The following TMPRSS9 variants were observed in gnomAD, a reference collection of about 807,000 sequenced individuals.
The protein encoded by TMPRSS9 is transmembrane serine protease 9, also known as transmembrane protease serine 9.
A neutral mutation model predicts 111.4 loss-of-function variants in TMPRSS9; 113 were observed. The ratio of observed to expected loss-of-function variants is 1.01; its 90% CI spans 0.87 to 1.19. The LOEUF (loss-of-function observed/expected upper bound fraction) is 1.19, where lower values mean the gene tolerates loss of function less well. TMPRSS9 is among the 50% of genes most tolerant of loss of function. TMPRSS9 has a pLI of 0.00. For missense variants in TMPRSS9, 1,803 were observed against 1,513.1 expected, an observed-to-expected ratio of 1.19 and a Z score of -3.18; for synonymous variants, 805 against 659.1, an observed-to-expected ratio of 1.22 and a Z score of -3.39.
rs758897814 is a variant in TMPRSS9 at position 2,426,064 on chromosome 19, G to A, written c.3258G>A (p.Trp1086Ter). ...CCCGGGTGGCAGCTGTGAGAGGCTG[G>A]ATAGGACAGCACATCCAGGAGTGAC... The change falls in exon 18 of 18, where the codon TGG becomes TGA. Residue 1086 changes from tryptophan (W) to a stop codon, truncating the protein, a stop_gained. Coordinates refer to ENST00000648592, the Ensembl canonical transcript of TMPRSS9. LOFTEE classifies it high-confidence loss of function. 1 of 1,609,434 alleles carries A rather than the reference G, an allele frequency of 6.2e-7. No homozygotes were observed.
At chr19:2,420,729 C>T (rs1020100177) in intron 13 of TMPRSS9, among the ~76,000 whole-genome samples, 6 of 152,196 alleles carry the variant, frequency 3.9e-5, no homozygotes, top group African/African-American at 1.4e-4. Flanking sequence ...ATAGCAATGC[C>T]TGTCTTCTAG....
At chr19:2,413,023 G>A (rs780185398) in intron 9 of TMPRSS9, among the ~76,000 whole-genome samples, 3 of 151,926 alleles carry the variant, frequency 2.0e-5, no homozygotes, top group Non-Finnish European at 2.9e-5. Flanking sequence ...GTGAAACCCC[G>A]TCTCTACTAA....
intron 8 of TMPRSS9, 146 bp from the exon 10 acceptor site, chr19:2,410,112 T>C: frequency 8.5e-7 from 1 of 1,174,050 alleles, no homozygotes; most frequent in Non-Finnish European, 1.2e-6. Context: ...TTTTGTAGTT[T>C]CAGAGCCATG....
chr19:2,375,229 G>A (rs1970322734), intron 1 of TMPRSS9, among the ~76,000 whole-genome samples: 1 of 152,218 alleles, frequency 6.6e-6, no homozygotes, highest in Admixed American at 6.5e-5. Context: ...TGAACCATAA[G>A]AAACTGATCT....
upstream of TMPRSS9, among the ~76,000 whole-genome samples, chr19:2,388,081 A>C (rs12981356): frequency 0.42 from 63,297 of 152,016 alleles, 14,461 homozygotes; most frequent in East Asian, 0.6. Context: ...AAATTCTTTG[A>C]TGCACCTCCC....
exon 14 of TMPRSS9, chr19:2,421,920 A>C (rs1971470620): frequency 1.2e-6 from 2 of 1,612,926 alleles, no homozygotes; most frequent in South Asian, 2.2e-5. Context: ...AGGGATCGTG[A>C]GCTGGGGTAT....
chr19:2,387,643 G>T (rs1474011154), upstream of TMPRSS9, among the ~76,000 whole-genome samples: 4 of 152,172 alleles, frequency 2.6e-5, no homozygotes, highest in African/African-American at 9.7e-5. Context: ...GCTATGGGAG[G>T]CTGAGGTGGG....
intron 8 of TMPRSS9, among the ~76,000 whole-genome samples, chr19:2,409,733 G>A (rs1423091857): frequency 6.6e-6 from 1 of 152,034 alleles, no homozygotes; most frequent in Non-Finnish European, 1.5e-5. Context: ...CCTGGGGTGG[G>A]AGGACAGCAG....
chr19:2,406,493 A>AT (rs112935402), intron 7 of TMPRSS9, among the ~76,000 whole-genome samples: 127 of 144,472 alleles, frequency 8.8e-4, no homozygotes, highest in Non-Finnish European at 1.0e-3. Context: ...TGCCTGGCTA[A>AT]TTTTTTTTTT....
intron 1 of TMPRSS9, among the ~76,000 whole-genome samples, chr19:2,379,659 T>TTCTTTC (rs1555676565): frequency 3.2e-4 from 48 of 149,820 alleles, no homozygotes; most frequent in South Asian, 1.1e-3. Flanking sequence ...CTTTCTTTCT[T>TTCTTTC]TCTTTCTTTC....
At chr19:2,415,132 T>C (rs1445818052) in intron 10 of TMPRSS9, among the ~76,000 whole-genome samples, 2 of 151,238 alleles carry the variant, frequency 1.3e-5, no homozygotes, top group Admixed American at 6.6e-5. Context: ...TTTAGTAGAG[T>C]TGGGGTTTCG....
downstream of TMPRSS9, chr19:2,426,239 A>AGGTCATGGGGATGCAT (rs1555682003): frequency 1.7e-4 from 149 of 864,548 alleles, no homozygotes; most frequent in Middle Eastern, 3.3e-4. Context: ...CTTTGTTCCA[A>AGGTCATGGGGATGCAT]TAAACACAGC....
At chr19:2,399,360 G>A (rs1970781377) in intron 4 of TMPRSS9, among the ~76,000 whole-genome samples, 167 bp downstream of exon 5, 1 of 152,126 alleles carries the variant, frequency 6.6e-6, no homozygotes, top group Non-Finnish European at 1.5e-5. Flanking sequence ...GAGGCGGGTG[G>A]ATCACCTGAG....
At chr19:2,380,403 C>T in intron 1 of TMPRSS9, among the ~76,000 whole-genome samples, 1 of 151,790 alleles carries the variant, frequency 6.6e-6, no homozygotes, top group Non-Finnish European at 1.5e-5. Flanking sequence ...CAAGACCAGC[C>T]TGGCCAACAT....
rs769704683 is a variant in TMPRSS9, at chr19:2,366,856, CA to C, written c.-26+6516del. Among the ~76,000 whole-genome samples, 498 of 61,334 alleles carry C rather than the reference CA, an allele frequency of 8.1e-3. 1 individual carries two copies. Among genetic ancestry groups the C allele is most frequent in the African/African-American group, 0.011 (186 of 16,812 alleles). 40.2% of individuals were successfully genotyped at this position (61,334 alleles called of 152,430 possible). Reference sequence around the variant, plus strand: ...TGGGCGACAGAGCGAGACTCCATTTCAAAAAAAAAAAAAAAAAAAAGACATG... The same window carrying C: ...TGGGCGACAGAGCGAGACTCCATTTCAAAAAAAAAAAAAAAAAAAGACATG... On this transcript the variant is annotated intron_variant, in intron 1 of 17. Transcript: ENST00000649857.
intron 4 of TMPRSS9, among the ~76,000 whole-genome samples, 154 bp downstream of exon 5, chr19:2,399,347 G>C (rs1013613578): frequency 2.0e-5 from 3 of 152,176 alleles, no homozygotes; most frequent in Non-Finnish European, 2.9e-5. Flanking sequence ...ATTTTGGGAG[G>C]CCGAGGCGGG....
chr19:2,402,018 T>C lies in TMPRSS9; in HGVS notation c.556+2T>C. ...TGGCAGAAAGAGACTTCAAATCAGG[T>C]ATGTTTTTCTCTCTGGCCTTTTCTC... On this transcript the variant is annotated splice_donor_variant, in intron 5 of 17. Coordinates refer to ENST00000648592, the Ensembl canonical transcript of TMPRSS9. LOFTEE classifies it high-confidence loss of function. 6.2e-7 allele frequency: 1 copy of C among 1,611,172 alleles called. No individual in the cohort carries two copies. Among genetic ancestry groups the C allele is most frequent in the Non-Finnish European group, 8.5e-7 (1 of 1,178,212 alleles).
At chr19:2,425,173 C>T (rs1412603560) in exon 16 of TMPRSS9, 3 of 1,555,594 alleles carry the variant, frequency 1.9e-6, no homozygotes, top group African/African-American at 2.7e-5. Flanking sequence ...GTCGCAGCCG[C>T]CTGGTGCGTC....
At chr19:2,404,097 G>A (rs563636332) in intron 6 of TMPRSS9, among the ~76,000 whole-genome samples, 1 of 152,196 alleles carries the variant, frequency 6.6e-6, no homozygotes, top group East Asian at 1.9e-4. Context: ...GAGCCCAGTA[G>A]ATTGAGGCTG....
Sources: allele counts gnomAD v4.1 joint callset (sites outside exome capture counted in the v4.1 genomes callset), GRCh38; gene constraint gnomAD v4.1.1; transcripts MANE v1.5; gene names NCBI Gene and HGNC (gene_info 2026-07-23, HGNC 2026-07-21).